Variants in CPNE8 observed in about 807,000 individuals in gnomAD.
CPNE8 encodes copine 8, also known as copine-8.
A neutral mutation model predicts 81.5 loss-of-function variants in CPNE8; 45 were observed. That is an observed-to-expected ratio of 0.55 (90% CI 0.44 to 0.71). CPNE8 has a LOEUF of 0.71. Among genes scored for constraint, CPNE8 ranks in the 30% least tolerant of loss-of-function variants. The probability of loss-of-function intolerance (pLI) is 0.00; values close to 1 mark genes in which losing one functional copy is unlikely to be tolerated. For synonymous variants in CPNE8, 252 were observed against 226.3 expected (o/e 1.11, Z -1.02); for missense variants, 594 against 672.1 (o/e 0.88, Z 1.28).
chr12:38,658,160 T>A (rs1385872305), intron 19 of CPNE8, among the ~76,000 whole-genome samples: 3 of 152,128 alleles, frequency 2.0e-5, no homozygotes, highest in Non-Finnish European at 4.4e-5. Flanking sequence ...GAAAAAAGGT[T>A]AGACGAATGA....
intron 1 of CPNE8, among the ~76,000 whole-genome samples, chr12:38,884,350 A>C (rs893292072): frequency 6.6e-6 from 1 of 152,336 alleles, no homozygotes; most frequent in Admixed American, 6.5e-5. Flanking sequence ...TTGAAGATTC[A>C]GCCATGTTGT....
At chr12:38,740,832 G>T (rs562201059) in intron 10 of CPNE8, among the ~76,000 whole-genome samples, 1 of 152,144 alleles carries the variant, frequency 6.6e-6, no homozygotes, top group Non-Finnish European at 1.5e-5. Context: ...GTTCATCAGG[G>T]ATATTGGTCT....
chr12:38,781,307 GATGTAA>G (rs1057419375), intron 6 of CPNE8, among the ~76,000 whole-genome samples: 4 of 151,934 alleles, frequency 2.6e-5, no homozygotes, highest in African/African-American at 9.7e-5. Flanking sequence ...AATAGTTACT[GATGTAA>G]ATGTAAATGA....
intron 3 of CPNE8, among the ~76,000 whole-genome samples, chr12:38,857,490 C>T (rs749438982): frequency 7.3e-5 from 11 of 151,620 alleles, no homozygotes; most frequent in East Asian, 2.0e-4. Context: ...TTATCAATGT[C>T]GATATTCTGG....
At chr12:38,659,896 C>A (rs1186382337) in intron 19 of CPNE8, among the ~76,000 whole-genome samples, 1 of 152,214 alleles carries the variant, frequency 6.6e-6, no homozygotes, top group Admixed American at 6.5e-5. Flanking sequence ...ATTTAGGAAT[C>A]CAACTTACAA....
chr12:38,883,980 C>T (rs1761276893), intron 1 of CPNE8, among the ~76,000 whole-genome samples: 1 of 152,212 alleles, frequency 6.6e-6, no homozygotes, highest in Non-Finnish European at 1.5e-5. Context: ...CTCCCGTTCA[C>T]TTGAGCAATA....
intron 8 of CPNE8, among the ~76,000 whole-genome samples, chr12:38,764,980 T>C (rs1008738501): frequency 1.3e-5 from 2 of 152,194 alleles, no homozygotes; most frequent in Admixed American, 1.3e-4. Context: ...TCTTTGCTTA[T>C]GGTTAAATCA....
At chr12:38,841,971 G>A (rs1943474426) in intron 4 of CPNE8, among the ~76,000 whole-genome samples, 2 of 150,886 alleles carry the variant, frequency 1.3e-5, no homozygotes, top group Admixed American at 6.6e-5. Flanking sequence ...CACTCATTAT[G>A]ACCTGTTTAC....
chr12:38,678,850 A>C (rs1033058457), intron 16 of CPNE8, among the ~76,000 whole-genome samples: 1 of 151,882 alleles, frequency 6.6e-6, no homozygotes, highest in South Asian at 2.1e-4. Context: ...CTATAGAATT[A>C]AAAATATCCC....
At chr12:38,659,201 A>C (rs1938894940) in intron 19 of CPNE8, among the ~76,000 whole-genome samples, 1 of 145,148 alleles carries the variant, frequency 6.9e-6, no homozygotes, top group Non-Finnish European at 1.5e-5. Flanking sequence ...ATGGAGGAAG[A>C]TCTACCAAGC....
chr12:38,906,607 A>T, upstream of CPNE8: 3 of 985,454 alleles, frequency 3.0e-6, no homozygotes, highest in Non-Finnish European at 3.6e-6. Flanking sequence ...AGCAGAGAGG[A>T]GTCAGAGTGA....
chr12:38,783,274 A>G (rs1344438558), intron 6 of CPNE8, among the ~76,000 whole-genome samples: 1 of 152,140 alleles, frequency 6.6e-6, no homozygotes, highest in Non-Finnish European at 1.5e-5. Flanking sequence ...TTTAACAACT[A>G]TCTATACACA....
chr12:38,676,252 A>G (rs2136649031), intron 17 of CPNE8: 2 of 943,450 alleles, frequency 2.1e-6, no homozygotes, highest in Non-Finnish European at 2.5e-6. Context: ...AGAATAATAT[A>G]CTTGATTCCA....
At chr12:38,794,174 A>G (rs953093089) in intron 6 of CPNE8, among the ~76,000 whole-genome samples, 3 of 152,192 alleles carry the variant, frequency 2.0e-5, no homozygotes, top group Admixed American at 6.5e-5. Context: ...AAGTACAGGC[A>G]ACGAAAAGCA....
At chr12:38,749,591 C>G (rs1240503819) in intron 10 of CPNE8, among the ~76,000 whole-genome samples, 5 of 152,112 alleles carry the variant, frequency 3.3e-5, no homozygotes, top group African/African-American at 7.2e-5. Flanking sequence ...GGATGACGTA[C>G]TTGTTGGGAA....
intron 1 of CPNE8, 119 bp from the exon 2 acceptor site, chr12:38,874,630 C>T (rs1281541389): frequency 8.6e-6 from 5 of 579,506 alleles, no homozygotes; most frequent in Non-Finnish European, 1.5e-5. Flanking sequence ...TACTCATACA[C>T]ACACATATAC....
chr12:38,710,958 AGCCCCCAACCTT>A (rs1420250820), intron 13 of CPNE8, among the ~76,000 whole-genome samples: 1 of 152,162 alleles, frequency 6.6e-6, no homozygotes, highest in African/African-American at 2.4e-5. Context: ...TCCTGCTCCC[AGCCCCCAACCTT>A]TTAATTGCCC....
At chr12:38,868,302 A>G (rs2137096124) in intron 3 of CPNE8, among the ~76,000 whole-genome samples, 1 of 152,258 alleles carries the variant, frequency 6.6e-6, no homozygotes, top group African/African-American at 2.4e-5. Flanking sequence ...ACCCAATAAT[A>G]TTGGTCAAAT....
intron 6 of CPNE8, among the ~76,000 whole-genome samples, chr12:38,806,815 C>A (rs1347887435): frequency 6.7e-6 from 1 of 149,428 alleles, no homozygotes; most frequent in Non-Finnish European, 1.5e-5. Context: ...GTCAAATTGT[C>A]CCTGTTTGCA....
Sources: allele counts gnomAD v4.1 joint callset (sites outside exome capture counted in the v4.1 genomes callset), GRCh38; gene constraint gnomAD v4.1.1; transcripts MANE v1.5; gene names NCBI Gene and HGNC (gene_info 2026-07-23, HGNC 2026-07-21).